The following RBFOX1 variants were observed in gnomAD, a reference collection of about 807,000 sequenced individuals.
RBFOX1 encodes RNA binding protein fox-1 homolog 1.
Under a neutral mutation model 57.7 loss-of-function variants are expected in RBFOX1, and 8 were observed. That is an observed-to-expected ratio of 0.14 (90% CI 0.08 to 0.25). The LOEUF (loss-of-function observed/expected upper bound fraction) is 0.25, where lower values mean the gene tolerates loss of function less well. RBFOX1 is among the 10% of genes least tolerant of loss of function. The pLI, the probability that RBFOX1 is intolerant of heterozygous loss-of-function variation, is 1.00. For synonymous variants in RBFOX1, 326 were observed against 222.4 expected (o/e 1.47, Z -4.15); for missense variants, 611 against 548.5 (o/e 1.11, Z -1.14).
chr16:5,394,184 C>T (rs536828437), intron 1 of RBFOX1, among the ~76,000 whole-genome samples: 6 of 152,120 alleles, frequency 3.9e-5, no homozygotes, highest in East Asian at 1.9e-4. Flanking sequence ...CTACCGTACC[C>T]GGCTAATTTT....
At chr16:6,404,270 A>G (rs957360721) in intron 2 of RBFOX1, among the ~76,000 whole-genome samples, 1 of 152,220 alleles carries the variant, frequency 6.6e-6, no homozygotes, top group Admixed American at 6.5e-5. Context: ...GATGATTTAA[A>G]GTATATGGGA....
At chr16:6,852,479 G>C (rs1362747164) in intron 3 of RBFOX1, among the ~76,000 whole-genome samples, 1 of 152,186 alleles carries the variant, frequency 6.6e-6, no homozygotes, top group East Asian at 1.9e-4. Flanking sequence ...GCTTATTAGG[G>C]TAAGTGTGAG....
intron 1 of RBFOX1, among the ~76,000 whole-genome samples, chr16:6,130,811 T>C (rs1049637869): frequency 3.1e-4 from 47 of 152,176 alleles, no homozygotes; most frequent in African/African-American, 1.1e-3. Flanking sequence ...GGTTAATTCA[T>C]GAGGAAGATA....
intron 3 of RBFOX1, among the ~76,000 whole-genome samples, chr16:6,874,182 T>TAG (rs1555554609): frequency 6.6e-6 from 1 of 151,668 alleles, no homozygotes; most frequent in South Asian, 2.1e-4. Context: ...GGTGTGTGCA[T>TAG]ACACACACAA....
At chr16:7,258,650 T>A (rs990736745) in intron 4 of RBFOX1, among the ~76,000 whole-genome samples, 1 of 152,214 alleles carries the variant, frequency 6.6e-6, no homozygotes, top group Admixed American at 6.5e-5. Context: ...CTATATTATT[T>A]TACTAACATG....
chr16:6,832,767 A>T (rs1421056976), intron 3 of RBFOX1, among the ~76,000 whole-genome samples: 1 of 152,130 alleles, frequency 6.6e-6, no homozygotes, highest in Admixed American at 6.5e-5. Flanking sequence ...TACCTGTTTG[A>T]GCTGCCAGGC....
At chr16:6,690,233 C>A (rs893391419) in intron 3 of RBFOX1, among the ~76,000 whole-genome samples, 1 of 152,068 alleles carries the variant, frequency 6.6e-6, no homozygotes, top group Non-Finnish European at 1.5e-5. Context: ...GAGCATGACT[C>A]TCTAAGAAGA....
At position 5,812,999 on chromosome 16, in the gene RBFOX1, C is replaced by G. The variant is rs565185501; in HGVS notation, c.319-54304C>G. Among the ~76,000 whole-genome samples, 79 of 148,624 alleles carry G rather than the reference C, an allele frequency of 5.3e-4. 2 individuals carry two copies. Among genetic ancestry groups the G allele is most frequent in the Admixed American group, 4.7e-4 (7 of 14,972 alleles). ...CATATACATAACATAAAGTCTATCC[C>G]TTTAACCACTTTTTTTTTTTTTTTT... On this transcript the variant is annotated intron_variant, in intron 3 of 19. Coordinates refer to the RBFOX1 transcript ENST00000641259.
At chr16:6,067,049 T>A (rs896925646) in intron 1 of RBFOX1, among the ~76,000 whole-genome samples, 4 of 152,144 alleles carry the variant, frequency 2.6e-5, no homozygotes, top group African/African-American at 9.7e-5. Context: ...AATTTACAAG[T>A]GATCTGAGAT....
chr16:6,756,728 T>G (rs1372243841), intron 3 of RBFOX1, among the ~76,000 whole-genome samples: 1 of 152,018 alleles, frequency 6.6e-6, no homozygotes, highest in Non-Finnish European at 1.5e-5. Context: ...TCCCAACACT[T>G]TGGGAGGCTG....
chr16:7,372,785 G>A (rs1409182893), intron 4 of RBFOX1, among the ~76,000 whole-genome samples: 1 of 151,910 alleles, frequency 6.6e-6, no homozygotes, highest in Non-Finnish European at 1.5e-5. Context: ...GAAAGGGAGG[G>A]AGGAAGAGAA....
At chr16:7,025,722 C>T (rs919796285) in intron 3 of RBFOX1, among the ~76,000 whole-genome samples, 4 of 151,936 alleles carry the variant, frequency 2.6e-5, no homozygotes, top group Admixed American at 6.6e-5. Context: ...CCAGTCAGGA[C>T]ATCCTAGCTG....
intron 1 of RBFOX1, among the ~76,000 whole-genome samples, chr16:6,148,495 C>CT (rs966456979): frequency 6.6e-6 from 1 of 152,170 alleles, no homozygotes; most frequent in Admixed American, 6.5e-5. Context: ...ATGGCTCATT[C>CT]TTCTTTGAGT....
chr16:5,934,062 TTAGTTCAC>T (rs2059121699), intron 4 of RBFOX1, among the ~76,000 whole-genome samples: 1 of 152,234 alleles, frequency 6.6e-6, no homozygotes, highest in Non-Finnish European at 1.5e-5. Flanking sequence ...TGCTCCTGCA[TTAGTTCAC>T]TAAGGATAAT....
chr16:7,449,564 T>A lies in RBFOX1; in HGVS notation c.28-68583T>A, dbSNP rs534016529. ...ATTTTGCATTGTTTGTTTACTTGTT[T>A]AGGACCATCTCTTTAACCTCGTTAG... is the stretch of plus-strand genomic sequence containing the variant. On this transcript the variant is annotated intron_variant, in intron 4 of 15. Coordinates refer to ENST00000550418, the MANE Select transcript of RBFOX1 (RefSeq NM_018723.4). Among the ~76,000 whole-genome samples the A allele has an allele frequency of 1.5e-4, 23 of 152,296 alleles. No individual in the cohort carries two copies. The South Asian group carries it at 4.4e-3, about 29-fold the overall frequency.
At chr16:7,398,818 A>G (rs2098186608) in intron 4 of RBFOX1, among the ~76,000 whole-genome samples, 1 of 152,182 alleles carries the variant, frequency 6.6e-6, no homozygotes, top group Non-Finnish European at 1.5e-5. Context: ...TGGAGGGAAT[A>G]ATTCTGAGAT....
chr16:6,912,383 G>A (rs370005508), intron 3 of RBFOX1, among the ~76,000 whole-genome samples: 4 of 150,350 alleles, frequency 2.7e-5, no homozygotes, highest in Non-Finnish European at 5.9e-5. Flanking sequence ...GAGTGGGGAC[G>A]GTACATTTTG....
At chr16:5,927,523 T>C (rs1567156944) in intron 4 of RBFOX1, among the ~76,000 whole-genome samples, 2 of 152,150 alleles carry the variant, frequency 1.3e-5, no homozygotes, top group African/African-American at 4.8e-5. Context: ...ACAGCTATGA[T>C]GGAAAACAAT....
chr16:7,452,396 C>T (rs149229787), intron 4 of RBFOX1, among the ~76,000 whole-genome samples: 406 of 152,328 alleles, frequency 2.7e-3, no homozygotes, highest in African/African-American at 8.6e-3. Flanking sequence ...GCATCCCCCA[C>T]CTGCCTAGAA....
Sources: gnomAD v4.1 joint callset for allele counts (sites outside exome capture counted in the v4.1 genomes callset) on GRCh38, gnomAD v4.1.1 for gene constraint, MANE v1.5 for transcripts, NCBI Gene and HGNC (gene_info 2026-07-23, HGNC 2026-07-21) for gene names.